Variants in SLC41A2 observed in about 807,000 individuals in gnomAD.
The protein encoded by SLC41A2 is SLC41A1-like 1.
Under a neutral mutation model 58.3 loss-of-function variants are expected in SLC41A2, and 32 were observed. That is an observed-to-expected ratio of 0.55 (90% CI 0.41 to 0.74). SLC41A2 has a LOEUF of 0.74. Ranked by LOEUF, SLC41A2 falls within the 30% of genes least tolerant of loss-of-function variation. SLC41A2 has a pLI of 0.00. For missense variants in SLC41A2, 514 were observed against 680.6 expected (o/e 0.76, Z 2.72); for synonymous variants, 190 against 235.0 (o/e 0.81, Z 1.75).
intron 8 of SLC41A2, 147 bp from the exon 9 acceptor site, chr12:104,846,121 G>A (rs888262399): frequency 9.1e-6 from 7 of 766,350 alleles, no homozygotes; most frequent in Non-Finnish European, 1.4e-5. Flanking sequence ...ATTTAATGTT[G>A]AAGTAGACAT....
At chr12:104,955,635 C>CT (rs141198362) in intron 1 of SLC41A2, among the ~76,000 whole-genome samples, 2,568 of 151,972 alleles carry the variant, frequency 0.017, 82 homozygotes, top group African/African-American at 0.057. Context: ...CCTGAATAGA[C>CT]TTTTTTTTAC....
chr12:104,943,221 TAGA>T (rs2047578727), intron 1 of SLC41A2, among the ~76,000 whole-genome samples: 1 of 152,120 alleles, frequency 6.6e-6, no homozygotes, highest in Non-Finnish European at 1.5e-5. Flanking sequence ...TATCAATGCT[TAGA>T]AGAAAAACAA....
chr12:104,838,261 G>A (rs900788512), intron 10 of SLC41A2, among the ~76,000 whole-genome samples: 2 of 152,124 alleles, frequency 1.3e-5, no homozygotes, highest in African/African-American at 4.8e-5. Context: ...AGTGTCGTAG[G>A]TATATTCACA....
chr12:104,952,880 C>T (rs895026411), intron 1 of SLC41A2, among the ~76,000 whole-genome samples: 2 of 152,172 alleles, frequency 1.3e-5, no homozygotes, highest in African/African-American at 4.8e-5. Context: ...TACCTAGCTA[C>T]TTCCTATTCA....
chr12:104,952,131 G>A (rs1026727741), intron 1 of SLC41A2, among the ~76,000 whole-genome samples: 26 of 152,098 alleles, frequency 1.7e-4, no homozygotes, highest in Non-Finnish European at 3.2e-4. Flanking sequence ...AAATTTGAAT[G>A]AAAACTTTTT....
rs56130052 is a variant in SLC41A2 at position 104,847,363 on chromosome 12, G to T, written c.1256-1389C>A. ...TCCCGCCTGTAATCCCAGCACTTTG[G>T]GGGGCCGAGGTGGGTGGATCACGAG... is the stretch of plus-strand genomic sequence containing the variant. On this transcript the variant is annotated intron_variant, in intron 8 of 10. Transcript: ENST00000258538. Among the ~76,000 whole-genome samples the T allele has an allele frequency of 5.9e-3, 898 of 152,096 alleles. 17 individuals carry two copies. Among genetic ancestry groups the T allele is most frequent in the African/African-American group, 0.02 (840 of 41,496 alleles).
intron 1 of SLC41A2, among the ~76,000 whole-genome samples, chr12:104,956,604 C>T (rs183437271): frequency 1.3e-5 from 2 of 151,920 alleles, no homozygotes; most frequent in African/African-American, 4.8e-5. Context: ...GCTTGAACCC[C>T]GGAGGTGGAG....
At chr12:104,858,099 T>C (rs957127729) in intron 8 of SLC41A2, among the ~76,000 whole-genome samples, 1 of 152,234 alleles carries the variant, frequency 6.6e-6, no homozygotes, top group African/African-American at 2.4e-5. Context: ...ACAAATTTGA[T>C]TGACCACAGA....
At chr12:104,844,222 TAAGAA>T (rs556113919) in intron 10 of SLC41A2, among the ~76,000 whole-genome samples, 7 of 152,060 alleles carry the variant, frequency 4.6e-5, no homozygotes, top group Non-Finnish European at 8.8e-5. Context: ...AAAGAAAATA[TAAGAA>T]AAGTAAATAT....
At chr12:104,835,566 T>C (rs1021704625) in intron 10 of SLC41A2, among the ~76,000 whole-genome samples, 4 of 152,188 alleles carry the variant, frequency 2.6e-5, no homozygotes, top group Admixed American at 1.3e-4. Context: ...ACTATAAAAC[T>C]TCCTCCCCAC....
rs1489484738 is a variant in SLC41A2 at position 104,857,847 on chromosome 12, G to A, written c.1255+3444C>T. 1.1e-4 allele frequency among the ~76,000 whole-genome samples: 12 copies of A among 110,834 alleles called. No individual in the cohort carries two copies. In the Admixed American group the frequency reaches 1.4e-3, roughly 13 times the overall value. 72.7% of individuals were successfully genotyped at this position (110,834 alleles called of 152,430 possible). Reference sequence around the variant, plus strand: ...AGGGGAACATCACACACCGAGGCCTGTTGTGGGGTGGGGGGAGGGGGGAGG... The same window carrying A: ...AGGGGAACATCACACACCGAGGCCTATTGTGGGGTGGGGGGAGGGGGGAGG... On this transcript the variant is annotated intron_variant, in intron 8 of 10. Coordinates refer to ENST00000258538, the MANE Select transcript of SLC41A2 (RefSeq NM_001352171.3).
At chr12:104,806,058 T>C (rs1257585822) in intron 10 of SLC41A2, among the ~76,000 whole-genome samples, 1 of 151,956 alleles carries the variant, frequency 6.6e-6, no homozygotes, top group African/African-American at 2.4e-5. Context: ...TTTATTTATT[T>C]ATTTTTACTT....
rs1555202443 is a variant in SLC41A2, at chr12:104,853,911, A to ATTTTTTTTTTTT, written c.1255+7368_1255+7379dup. ...GGGTGCATGTCACCATGCCTGGCTG[A>ATTTTTTTTTTTT]TTTTTTTTTTTTTTTTTTTTTTTTT... On this transcript the variant is annotated intron_variant, in intron 8 of 10. Transcript: ENST00000258538. Among the ~76,000 whole-genome samples the ATTTTTTTTTTTT allele has an allele frequency of 1.1e-3, 65 of 59,492 alleles. 4 individuals are homozygous for ATTTTTTTTTTTT. Among genetic ancestry groups the ATTTTTTTTTTTT allele is most frequent in the African/African-American group, 4.3e-3 (62 of 14,470 alleles). 39.0% of individuals were successfully genotyped at this position (59,492 alleles called of 152,430 possible). A position where few individuals can be genotyped will look rare whatever the true frequency, so the allele number is the denominator to read the frequency against.
intron 1 of SLC41A2, among the ~76,000 whole-genome samples, chr12:104,943,584 A>G (rs2047595172): frequency 6.6e-6 from 1 of 152,222 alleles, no homozygotes; most frequent in Non-Finnish European, 1.5e-5. Flanking sequence ...GATGTTAATG[A>G]CATCGAAGGC....
At chr12:104,833,453 T>C (rs538932327) in intron 10 of SLC41A2, among the ~76,000 whole-genome samples, 2 of 152,178 alleles carry the variant, frequency 1.3e-5, no homozygotes, top group Admixed American at 6.6e-5. Context: ...AGAAGATCAA[T>C]AGTTGGCTCT....
intron 6 of SLC41A2, among the ~76,000 whole-genome samples, chr12:104,870,743 T>C (rs1156436555): frequency 1.3e-5 from 2 of 152,224 alleles, no homozygotes; most frequent in Non-Finnish European, 2.9e-5. Context: ...ATTTCATTAA[T>C]AGTGTTCATC....
intron 6 of SLC41A2, among the ~76,000 whole-genome samples, chr12:104,879,098 C>A (rs1347309744): frequency 6.6e-6 from 1 of 152,244 alleles, no homozygotes; most frequent in East Asian, 1.9e-4. Flanking sequence ...CTGTTGGCTG[C>A]ATAAATGTTT....
In SLC41A2 at chr12:104,886,407, T is replaced by C. The variant is rs1468814242; in HGVS notation, c.913A>G (p.Lys305Glu). 2 of 1,613,516 alleles carry C rather than the reference T, an allele frequency of 1.2e-6. No homozygotes were observed. Among genetic ancestry groups the C allele is most frequent in the Non-Finnish European group, 1.7e-6 (2 of 1,179,524 alleles). The stretch of plus-strand genomic sequence containing the variant: ...TTATCAGGATTTATACCAGTCTTCT[T>C]TGAACCAACGATAACCCCAACCATT... ...IIMVGVIVGSKKTGINPDNVA... is the reference protein window; with the variant it reads ...IIMVGVIVGSEKTGINPDNVA... The change falls in exon 6 of 11, where the codon AAG becomes GAG. Residue 305 changes from lysine to glutamate, a missense_variant. This residue lies in a region of SLC41A2 where 336 missense variants were observed against 430.0 expected (regional missense o/e 0.78). Transcript: ENST00000258538.
In SLC41A2 at chr12:104,815,452, A is replaced by G. The variant is rs563891967; in HGVS notation, c.1537-10115T>C. The stretch of plus-strand genomic sequence containing the variant: ...TATTTCTTGGAATTTAAATAAATAT[A>G]TAAAGTACAAAATATATATATTTGC... On this transcript the variant is annotated intron_variant, in intron 10 of 10. Coordinates refer to ENST00000258538, the MANE Select transcript of SLC41A2 (RefSeq NM_001352171.3). Among the ~76,000 whole-genome samples, 8 of 152,324 alleles carry G rather than the reference A, an allele frequency of 5.3e-5. No individual in the cohort carries two copies. In the South Asian group the frequency reaches 1.4e-3, roughly 28 times the overall value.
Sources: gnomAD v4.1 joint callset for allele counts (sites outside exome capture counted in the v4.1 genomes callset) on GRCh38, gnomAD v4.1.1 for gene constraint, gnomAD v4.1.1 regional missense constraint, MANE v1.5 for transcripts, NCBI Gene and HGNC (gene_info 2026-07-23, HGNC 2026-07-21) for gene names.